PRRC2B: variants seen among roughly 807,000 people sequenced by gnomAD.
PRRC2B encodes protein PRRC2B.
PRRC2B carries 68 observed loss-of-function variants against 242.3 expected under a neutral mutation model. The ratio of observed to expected loss-of-function variants is 0.28; its 90% CI spans 0.23 to 0.34. The LOEUF (loss-of-function observed/expected upper bound fraction) is 0.34. Ranked by LOEUF, PRRC2B falls within the 10% of genes least tolerant of loss-of-function variation. The probability of loss-of-function intolerance (pLI) is 1.00; values close to 1 mark genes in which losing one functional copy is unlikely to be tolerated. For synonymous variants in PRRC2B, 1,228 were observed against 1,173.6 expected (o/e 1.05, Z -0.95); for missense variants, 2,835 against 2,954.8 (o/e 0.96, Z 0.94).
intron 12 of PRRC2B, among the ~76,000 whole-genome samples, chr9:131,467,044 A>G (rs1046504745): frequency 6.6e-6 from 1 of 151,816 alleles, no homozygotes; most frequent in East Asian, 1.9e-4. Context: ...CTCGTGATCC[A>G]TCCGCCTCGG....
chr9:131,436,510 A>T (rs1284196110), intron 3 of PRRC2B, 110 bp from the exon 4 acceptor site: 2 of 747,780 alleles, frequency 2.7e-6, no homozygotes, highest in Non-Finnish European at 4.4e-6. Context: ...TATTGGCCAG[A>T]GGAGGTCTGC....
chr9:131,416,223 C>T (rs576453662), intron 1 of PRRC2B, among the ~76,000 whole-genome samples: 11 of 152,182 alleles, frequency 7.2e-5, no homozygotes, highest in African/African-American at 2.6e-4. Flanking sequence ...ATTCTTCTGC[C>T]TCAGCCTCCT....
In PRRC2B at chr9:131,452,149, CTT is replaced by C. The variant is rs1435346042; in HGVS notation, c.1121-2923_1121-2922del. ...TGTAAGATCAGTATTATATATTTTT[CTT>C]TTTCTTTCTTTTTTGAGACAGGGTC... is the stretch of plus-strand genomic sequence containing the variant. On this transcript the variant is annotated intron_variant, in intron 9 of 31. Transcript: ENST00000683519. 4.6e-5 allele frequency among the ~76,000 whole-genome samples: 7 copies of C among 150,768 alleles called. No homozygotes were observed. In the East Asian group the frequency reaches 1.4e-3, roughly 29 times the overall value.
Position 131,436,622 on chromosome 9 carries a change from C to T in PRRC2B, c.296C>T (p.Ser99Phe), listed in dbSNP as rs752291133. Residue 99 changes from serine to phenylalanine, a missense_variant and splice_region_variant, in exon 4 of 32, where the codon TCC becomes TTC. By Grantham distance (155) the Ser-to-Phe change is radical. This residue lies in a region of PRRC2B where 626 missense variants were observed against 685.5 expected (regional missense o/e 0.91). Coordinates refer to ENST00000683519, the MANE Select transcript of PRRC2B (RefSeq NM_013318.4). ...NKQDQQDPKS[S>F]SATASQPPES... ...CCCACTGCCCTGCCTTTGTCTAGTT[C>T]CAGTGCGACGGCCTCTCAGCCGCCG... The T allele has an allele frequency of 6.2e-6, 10 of 1,612,940 alleles. No individual in the cohort carries two copies. In the African/African-American group the frequency reaches 1.1e-4, roughly 17 times the overall value.
In PRRC2B at chr9:131,478,362, T is replaced by C. The variant is rs45624931; in HGVS notation, c.4613-112T>C. 7,184 of 1,048,174 alleles carry C rather than the reference T, an allele frequency of 6.9e-3. 39 individuals are homozygous for C. The highest frequency in any genetic ancestry group is 0.016 in the South Asian group (1,098 of 68,852). The allele number at this position is 1,048,174 out of a possible 1,614,324, so 64.9% of individuals were successfully genotyped here. ...CGGCCTGAGAAAAGTGCGGAAGTCC[T>C]GTCCAGGTTTCTGTCGAGCCTGATG... is the stretch of plus-strand genomic sequence containing the variant. On this transcript the variant is annotated intron_variant, in intron 17 of 31. Transcript: ENST00000683519.
chr9:131,425,438 A>G (rs957520265), intron 1 of PRRC2B, among the ~76,000 whole-genome samples: 1 of 152,164 alleles, frequency 6.6e-6, no homozygotes, highest in Non-Finnish European at 1.5e-5. Flanking sequence ...GCACAGAGTC[A>G]GAGAAAGTAG....
chr9:131,467,514 G>A lies in PRRC2B; in HGVS notation c.1721-49G>A, dbSNP rs201004243. The A allele has an allele frequency of 2.6e-4, 379 of 1,467,642 alleles. No individual in the cohort carries two copies. In the Middle Eastern group the frequency reaches 2.6e-3, roughly 10 times the overall value. 90.9% of individuals were successfully genotyped at this position (1,467,642 alleles called of 1,614,324 possible). On this transcript the variant is annotated intron_variant, in intron 12 of 31. Transcript: ENST00000683519. ...CTTGTTTGTAAACACTTGGTTGGCT[G>A]AGCTTCTGTGAGCTCACTGTGTCAT...
chr9:131,488,104 A>G lies in PRRC2B; in HGVS notation c.6225+8A>G, dbSNP rs1440421655. 1 of 1,611,064 alleles carries G rather than the reference A, an allele frequency of 6.2e-7. No individual in the cohort carries two copies. The highest frequency in any genetic ancestry group is 8.5e-7 in the Non-Finnish European group (1 of 1,177,874). ...GACTCCCAGCTCCCACAGGTCAGGAATTCAGTCACTCTACCCAAAGCCCTA... is the reference window on the plus strand; with the variant it reads ...GACTCCCAGCTCCCACAGGTCAGGAGTTCAGTCACTCTACCCAAAGCCCTA... On this transcript the variant is annotated splice_region_variant and intron_variant, in intron 28 of 31. Coordinates refer to ENST00000683519, the MANE Select transcript of PRRC2B (RefSeq NM_013318.4).
intron 1 of PRRC2B, among the ~76,000 whole-genome samples, chr9:131,401,436 C>T (rs1837224970): frequency 6.6e-6 from 1 of 150,880 alleles, no homozygotes; most frequent in Non-Finnish European, 1.5e-5. Flanking sequence ...GGCTGGAGTG[C>T]AGTGGCACGA....
rs1178167574 is a variant in PRRC2B at position 131,482,271 on chromosome 9, G to A, written c.4984-100G>A. 1 of 1,323,192 alleles carries A rather than the reference G, an allele frequency of 7.6e-7. No homozygotes were observed. Among genetic ancestry groups the A allele is most frequent in the African/African-American group, 1.5e-5 (1 of 67,920 alleles). The allele number at this position is 1,323,192 out of a possible 1,614,324, so 82.0% of individuals were successfully genotyped here. Reference sequence around the variant, plus strand: ...TCAGGACCAGACTTGGCAAGGGACAGGCAGCTGGGGTAGAAAAGTCTCTGT... The same window carrying A: ...TCAGGACCAGACTTGGCAAGGGACAAGCAGCTGGGGTAGAAAAGTCTCTGT... On this transcript the variant is annotated intron_variant, in intron 20 of 31. Transcript: ENST00000683519. The surrounding 1 kb of genome is among the most constrained non-coding windows in gnomAD (Gnocchi z 5.2).
intron 5 of PRRC2B, among the ~76,000 whole-genome samples, chr9:131,443,872 C>T (rs562883401): frequency 2.4e-4 from 37 of 152,324 alleles, no homozygotes; most frequent in African/African-American, 7.5e-4. Flanking sequence ...TCTGTGGCCC[C>T]AGGCAGTCAG....
At chr9:131,414,663 C>T (rs1314239817) in intron 1 of PRRC2B, among the ~76,000 whole-genome samples, 9 of 151,238 alleles carry the variant, frequency 6.0e-5, no homozygotes, top group African/African-American at 1.9e-4. Flanking sequence ...CTCTACCTCC[C>T]GGGTTCAAGT....
Position 131,494,350 on chromosome 9 carries a change from C to T in PRRC2B, c.6474-55C>T. The T allele has an allele frequency of 1.0e-6, 1 of 954,176 alleles. No homozygotes were observed. Among genetic ancestry groups the T allele is most frequent in the Non-Finnish European group, 1.6e-6 (1 of 610,224 alleles). 59.1% of individuals were successfully genotyped at this position (954,176 alleles called of 1,614,324 possible). A position where few individuals can be genotyped will look rare whatever the true frequency, so the allele number is the denominator to read the frequency against. On this transcript the variant is annotated intron_variant, in intron 30 of 31. Coordinates refer to ENST00000683519, the MANE Select transcript of PRRC2B (RefSeq NM_013318.4). This position sits in a 1 kb window ranked among gnomAD's most constrained non-coding sequence, Gnocchi z 4.3. ...CTCCTCCATGTGCTAGGCTTTGACT[C>T]CATTTCTGTGGTGACACGTTGTGTA...
chr9:131,482,514 C>T lies in PRRC2B; in HGVS notation c.5127C>T (p.Pro1709=), dbSNP rs746888448. 6.2e-7 allele frequency: 1 copy of T among 1,609,844 alleles called. No individual in the cohort carries two copies. The highest frequency in any genetic ancestry group is 1.3e-5 in the African/African-American group (1 of 74,868). The change falls in exon 21 of 32, where the codon CCC becomes CCT. Residue 1709 remains proline (P), a synonymous_variant. Coordinates refer to ENST00000683519, the MANE Select transcript of PRRC2B (RefSeq NM_013318.4). This position sits in a 1 kb window ranked among gnomAD's most constrained non-coding sequence, Gnocchi z 5.2. The part of the protein sequence containing the change: ...EEMSGPGLAE[P]KADSHKEQAP... ...TGAGCGGGCCCGGCCTGGCGGAACC[C>T]AAGGCCGACAGCCACAAGGAGCAGG...
intron 9 of PRRC2B, among the ~76,000 whole-genome samples, chr9:131,450,184 C>T (rs1224571078): frequency 6.6e-6 from 1 of 152,136 alleles, no homozygotes; most frequent in East Asian, 1.9e-4. Flanking sequence ...TAGAATCAAC[C>T]TGTCAGTATT....
At chr9:131,436,565 A>T in intron 3 of PRRC2B, 55 bp from the exon 4 acceptor site, 2 of 1,418,346 alleles carry the variant, frequency 1.4e-6, no homozygotes, top group Non-Finnish European at 9.8e-7. Flanking sequence ...GAACGCAGAG[A>T]CCTGGCCAGC....
At chr9:131,454,665 T>G (rs2131403239) in intron 9 of PRRC2B, among the ~76,000 whole-genome samples, 1 of 151,768 alleles carries the variant, frequency 6.6e-6, no homozygotes, top group South Asian at 2.1e-4. Flanking sequence ...AGATGGAGTC[T>G]CGCTCTGTCG....
rs1361739040 is a variant in PRRC2B, at chr9:131,499,142, A to G, written c.*3268A>G. On this transcript the variant is annotated 3_prime_UTR_variant, in exon 32 of 32. Transcript: ENST00000683519. ...CCAGCCACTTCTAGGGACACTGGGG[A>G]ACCTTGTTAAACGTTGACATCAGTG... The G allele has an allele frequency of 1.3e-5, 2 of 152,150 alleles. No individual in the cohort carries two copies. The highest frequency in any genetic ancestry group is 2.9e-5 in the Non-Finnish European group (2 of 68,030). The allele number at this position is 152,150 out of a possible 1,614,324, so 9.4% of individuals were successfully genotyped here.
chr9:131,427,232 G>A (rs1035833943), intron 1 of PRRC2B, among the ~76,000 whole-genome samples: 5 of 152,182 alleles, frequency 3.3e-5, no homozygotes, highest in Admixed American at 2.0e-4. Flanking sequence ...TGTTTGACAC[G>A]GCACCAGCTC....
Sources: gnomAD v4.1 joint callset for allele counts (sites outside exome capture counted in the v4.1 genomes callset) on GRCh38, gnomAD v4.1.1 for gene constraint, gnomAD v4.1.1 regional missense constraint, Gnocchi (gnomAD v3.1) non-coding constraint, MANE v1.5 for transcripts, NCBI Gene and HGNC (gene_info 2026-07-23, HGNC 2026-07-21) for gene names.